SLC9A1: variants seen among roughly 807,000 people sequenced by gnomAD.
SLC9A1 encodes the protein solute carrier family 9 member A1, also known as sodium/hydrogen exchanger 1.
SLC9A1 carries 22 observed loss-of-function variants against 67.9 expected under a neutral mutation model. The observed-to-expected ratio is 0.32, with a 90% CI of 0.23 to 0.46. SLC9A1 has a LOEUF of 0.46. SLC9A1 is among the 20% of genes least tolerant of loss of function. The pLI is 1.00. For missense variants in SLC9A1, 686 were observed against 1,094.8 expected (o/e 0.63, Z 5.27); for synonymous variants, 421 against 471.8 (o/e 0.89, Z 1.40).
rs978760154 is a variant in SLC9A1 at position 27,109,421 on chromosome 1, A to G, written c.1064+106T>C. Reference sequence around the variant, plus strand: ...AGTTCATGTCTCATCCCTGGAGCTCAAGGCTGGGCCCTGGGAGCTCCGTGA... The same window carrying G: ...AGTTCATGTCTCATCCCTGGAGCTCGAGGCTGGGCCCTGGGAGCTCCGTGA... On this transcript the variant is annotated intron_variant, in intron 3 of 11. Coordinates refer to ENST00000263980, the MANE Select transcript of SLC9A1 (RefSeq NM_003047.5). The surrounding 1 kb of genome is among the most constrained non-coding windows in gnomAD (Gnocchi z 5.5). The G allele has an allele frequency of 8.0e-7, 1 of 1,257,598 alleles. No homozygotes were observed. Among genetic ancestry groups the G allele is most frequent in the Middle Eastern group, 2.7e-4 (1 of 3,716 alleles). 77.9% of individuals were successfully genotyped at this position (1,257,598 alleles called of 1,614,324 possible).
intron 6 of SLC9A1, 59 bp from the exon 7 acceptor site, chr1:27,102,802 C>T (rs1194819431): frequency 2.8e-6 from 4 of 1,443,742 alleles, no homozygotes; most frequent in South Asian, 2.3e-5. Flanking sequence ...CTACCAAGAC[C>T]TCTGACTAGC....
At chr1:27,117,847 C>T (rs1414145548) in intron 1 of SLC9A1, among the ~76,000 whole-genome samples, 2 of 152,166 alleles carry the variant, frequency 1.3e-5, no homozygotes, top group Non-Finnish European at 2.9e-5. Flanking sequence ...ATTCTTTAGT[C>T]AAAGCTCGGT....
Position 27,102,108 on chromosome 1 carries a change from G to T in SLC9A1, c.1843C>A (p.Pro615Thr). 6.2e-7 allele frequency: 1 copy of T among 1,613,930 alleles called. No individual in the cohort carries two copies. The highest frequency in any genetic ancestry group is 1.1e-5 in the South Asian group (1 of 91,090). ...SMQNIHPKSL[P>T]SERILPALSK... ...AGTGCTGGCAGGATGCGCTCGGAAG[G>T]CAGGGACTTGGGGTGGATGTTCCTG... The change falls in exon 9 of 12, where the codon CCT becomes ACT. Residue 615 changes from proline (P) to threonine (T), a missense_variant. Physicochemically the swap from Pro to Thr is conservative, Grantham distance 38. This residue lies in a region of SLC9A1 where 226 missense variants were observed against 282.4 expected (regional missense o/e 0.80). Transcript: ENST00000263980.
intron 1 of SLC9A1, among the ~76,000 whole-genome samples, chr1:27,147,384 TGGGAGGTTGAA>T (rs2083495029): frequency 6.7e-6 from 1 of 149,586 alleles, no homozygotes; most frequent in Non-Finnish European, 1.5e-5. Flanking sequence ...CCCAGCTACT[TGGGAGGTTGAA>T]GTAGGAGAAT....
chr1:27,153,136 CTCT>C (rs899567696), intron 1 of SLC9A1, among the ~76,000 whole-genome samples: 1 of 152,092 alleles, frequency 6.6e-6, no homozygotes, highest in Non-Finnish European at 1.5e-5. Context: ...GTTTCAAAGT[CTCT>C]TCAGGCCTGA....
Position 27,105,923 on chromosome 1 carries a change from C to T in SLC9A1, c.1447G>A (p.Ala483Thr). 6.2e-7 allele frequency: 1 copy of T among 1,613,636 alleles called. No individual in the cohort carries two copies. The highest frequency in any genetic ancestry group is 8.5e-7 in the Non-Finnish European group (1 of 1,180,022). ...GTGAAGAAGATGACAGTGATGATGG[C>T]AGTGAGGAACAGGTCACACATGGGG... Reference protein sequence around the residue: ...HFPMCDLFLTAIITVIFFTVF... With the variant: ...HFPMCDLFLTTIITVIFFTVF... The change falls in exon 5 of 12, where the codon GCC becomes ACC. Residue 483 changes from alanine to threonine, a missense_variant. Physicochemically the swap from Ala to Thr is moderately conservative, Grantham distance 58. This residue lies in a region of SLC9A1 where 168 missense variants were observed against 375.4 expected (regional missense o/e 0.45). Transcript: ENST00000263980.
rs368403491 is a variant in SLC9A1 at position 27,114,306 on chromosome 1, G to A, written c.353-20C>T. 26 of 1,585,960 alleles carry A rather than the reference G, an allele frequency of 1.6e-5. No individual in the cohort carries two copies. Among genetic ancestry groups the A allele is most frequent in the South Asian group, 3.4e-5 (3 of 88,956 alleles). ...GGAAACCTGCGGAGGGCGAGAGAAC[G>A]GGAGGCCATGGGCTTTCGGAGGAGC... On this transcript the variant is annotated intron_variant, in intron 1 of 11. Transcript: ENST00000263980. The surrounding 1 kb of genome is among the most constrained non-coding windows in gnomAD (Gnocchi z 5.4).
chr1:27,104,951 C>G (rs1270398171), intron 5 of SLC9A1, among the ~76,000 whole-genome samples: 1 of 152,170 alleles, frequency 6.6e-6, no homozygotes, highest in Non-Finnish European at 1.5e-5. Context: ...GAGTGGCTGT[C>G]AGCTAAGCCT....
chr1:27,146,684 T>C (rs987738354), intron 1 of SLC9A1, among the ~76,000 whole-genome samples: 3 of 151,250 alleles, frequency 2.0e-5, no homozygotes, highest in African/African-American at 7.3e-5. Context: ...GAGGCTGAGG[T>C]GGGGGGATTG....
intron 2 of SLC9A1, among the ~76,000 whole-genome samples, chr1:27,110,653 C>T (rs1415107358): frequency 2.0e-5 from 3 of 152,212 alleles, no homozygotes; most frequent in Non-Finnish European, 2.9e-5. Context: ...TTTGCTAAAC[C>T]GAGGCTCACA....
intron 1 of SLC9A1, among the ~76,000 whole-genome samples, chr1:27,134,856 C>T (rs893621032): frequency 3.9e-5 from 6 of 152,054 alleles, no homozygotes; most frequent in African/African-American, 1.4e-4. Flanking sequence ...CCCACCTTGG[C>T]CTCCCAAGTA....
chr1:27,100,430 G>A lies in SLC9A1; in HGVS notation c.2325C>T (p.Asp775=), dbSNP rs770127268. The change falls in exon 12 of 12, where the codon GAC becomes GAT. Residue 775 remains aspartate, a synonymous_variant. Coordinates refer to ENST00000263980, the MANE Select transcript of SLC9A1 (RefSeq NM_003047.5). This position sits in a 1 kb window ranked among gnomAD's most constrained non-coding sequence, Gnocchi z 5.6. ...RSKETSSPGT[D]DVFTPAPSDS... Reference sequence around the variant, plus strand: ...CACTGGGCGCGGGGGTGAAGACATCGTCGGTTCCTGGGGACGAAGTCTCCT... The same window carrying A: ...CACTGGGCGCGGGGGTGAAGACATCATCGGTTCCTGGGGACGAAGTCTCCT... The A allele has an allele frequency of 6.2e-6, 10 of 1,612,690 alleles. No homozygotes were observed. In the Admixed American group the frequency reaches 8.3e-5, roughly 13 times the overall value.
At chr1:27,115,067 G>C (rs1251321204) in intron 1 of SLC9A1, among the ~76,000 whole-genome samples, 3 of 152,170 alleles carry the variant, frequency 2.0e-5, no homozygotes. Flanking sequence ...GCTCAGAAAA[G>C]GGAAGGGACT....
At position 27,100,567 on chromosome 1, in the gene SLC9A1, C is replaced by T; in HGVS notation, c.2188G>A (p.Val730Met). 3 of 1,614,012 alleles carry T rather than the reference C, an allele frequency of 1.9e-6. No homozygotes were observed. The highest frequency in any genetic ancestry group is 2.5e-6 in the Non-Finnish European group (3 of 1,179,906). The change falls in exon 12 of 12, where the codon GTG (valine) becomes ATG (methionine). Residue 730 changes from valine to methionine, a missense_variant. Coordinates refer to ENST00000263980, the MANE Select transcript of SLC9A1 (RefSeq NM_003047.5). The surrounding 1 kb of genome is among the most constrained non-coding windows in gnomAD (Gnocchi z 5.6). ...TTCAGCTCTTCATTCACCAGGTCCA[C>T]AGACTCGGGTGACTGCGGGGAAGCC... is the stretch of plus-strand genomic sequence containing the variant. ...DPASPQSPES[V>M]DLVNEELKGK...
intron 1 of SLC9A1, among the ~76,000 whole-genome samples, chr1:27,150,533 T>C (rs1171898735): frequency 1.3e-5 from 2 of 152,090 alleles, no homozygotes; most frequent in African/African-American, 4.8e-5. Context: ...CACAGCACAA[T>C]GTGGGGTGGG....
Position 27,137,795 on chromosome 1 carries a change from CCAG to C in SLC9A1, c.352+16185_352+16187del, listed in dbSNP as rs1455294728. ...CTGAGGCTCAGCAAGGGAGGGGTGG[CCAG>C]CAGGAGTCCAGCAGAGCCTGGTGCC... is the stretch of plus-strand genomic sequence containing the variant. On this transcript the variant is annotated intron_variant, in intron 1 of 11. Transcript: ENST00000263980. The surrounding 1 kb of genome is among the most constrained non-coding windows in gnomAD (Gnocchi z 4.6). Among the ~76,000 whole-genome samples the C allele has an allele frequency of 6.6e-6, 1 of 152,202 alleles. No individual in the cohort carries two copies. Among genetic ancestry groups the C allele is most frequent in the Non-Finnish European group, 1.5e-5 (1 of 68,034 alleles).
Position 27,114,358 on chromosome 1 carries a change from C to G in SLC9A1, c.353-72G>C, listed in dbSNP as rs2083251824. 1 of 1,314,390 alleles carries G rather than the reference C, an allele frequency of 7.6e-7. No individual in the cohort carries two copies. The highest frequency in any genetic ancestry group is 1.1e-6 in the Non-Finnish European group (1 of 941,834). The allele number at this position is 1,314,390 out of a possible 1,614,324, so 81.4% of individuals were successfully genotyped here. On this transcript the variant is annotated intron_variant, in intron 1 of 11. Transcript: ENST00000263980. The surrounding 1 kb of genome is among the most constrained non-coding windows in gnomAD (Gnocchi z 5.4). Reference sequence around the variant, plus strand: ...AGGAGAATAGAAGGTTGGGGATGGGCCGGGGATGAGGAGCGCAGTTGGTGA... The same window carrying G: ...AGGAGAATAGAAGGTTGGGGATGGGGCGGGGATGAGGAGCGCAGTTGGTGA...
intron 1 of SLC9A1, among the ~76,000 whole-genome samples, chr1:27,138,520 G>A (rs2083433847): frequency 1.3e-5 from 2 of 152,160 alleles, no homozygotes; most frequent in African/African-American, 4.8e-5. Context: ...GTCTGACATG[G>A]GGGTAGAGGC....
intron 1 of SLC9A1, among the ~76,000 whole-genome samples, chr1:27,128,931 G>C (rs978232004): frequency 1.3e-5 from 2 of 152,146 alleles, no homozygotes; most frequent in African/African-American, 4.8e-5. Context: ...TTGCACTCCA[G>C]CCTGGGCAAA....
Sources: allele counts gnomAD v4.1 joint callset (sites outside exome capture counted in the v4.1 genomes callset), GRCh38; gene constraint gnomAD v4.1.1; regional missense constraint gnomAD v4.1.1; non-coding constraint Gnocchi (gnomAD v3.1); transcripts MANE v1.5; gene names NCBI Gene and HGNC (gene_info 2026-07-23, HGNC 2026-07-21).